Variants in CPXM2 observed in about 807,000 individuals in gnomAD.
CPXM2 encodes inactive carboxypeptidase-like protein X2.
In CPXM2, 66 loss-of-function variants were observed where a neutral mutation model predicts 86.1. The ratio of observed to expected loss-of-function variants is 0.77; its 90% CI spans 0.63 to 0.94. CPXM2 has a LOEUF of 0.94. Ranked by LOEUF, CPXM2 falls within the 40% of genes least tolerant of loss-of-function variation. The pLI is 0.00. For synonymous variants in CPXM2, 388 were observed against 400.2 expected, an observed-to-expected ratio of 0.97 and a Z score of 0.36; for missense variants, 948 against 1,026.3, an observed-to-expected ratio of 0.92 and a Z score of 1.04.
intron 3 of CPXM2, among the ~76,000 whole-genome samples, chr10:123,846,541 C>T (rs528783769): frequency 1.7e-3 from 262 of 152,344 alleles, no homozygotes; most frequent in Non-Finnish European, 2.9e-3. Flanking sequence ...CCGTTCCTAA[C>T]CGGCCATAGA....
At chr10:123,759,605 G>A (rs78185028) in intron 11 of CPXM2, among the ~76,000 whole-genome samples, 2,360 of 152,298 alleles carry the variant, frequency 0.015, 51 homozygotes, top group African/African-American at 0.053. Flanking sequence ...GGGCCATGAC[G>A]TGCCCCAGAC....
chr10:123,939,599 T>C (rs1450985734), intron 1 of CPXM2: 1 of 152,220 alleles, frequency 6.6e-6, no homozygotes. Flanking sequence ...TGTAATGTCA[T>C]GAGACTCTGC....
chr10:123,770,293 CAAACA>C (rs564252137), intron 8 of CPXM2, among the ~76,000 whole-genome samples: 2 of 152,014 alleles, frequency 1.3e-5, no homozygotes, highest in African/African-American at 4.8e-5. Flanking sequence ...AACAAACAAA[CAAACA>C]AAACAAAACA....
chr10:123,856,996 CTG>C (rs1359555859), intron 3 of CPXM2, among the ~76,000 whole-genome samples: 2 of 152,180 alleles, frequency 1.3e-5, no homozygotes, highest in Admixed American at 1.3e-4. Context: ...AAACCAGTGA[CTG>C]TTTCTAAATG....
chr10:123,866,362 G>A (rs1270067045), intron 2 of CPXM2, among the ~76,000 whole-genome samples: 3 of 151,640 alleles, frequency 2.0e-5, no homozygotes, highest in African/African-American at 2.4e-5. Context: ...TCAGGATTTC[G>A]AGACCAGCCT....
chr10:123,822,724 A>AAATAATAATAATAAT (rs10603506), intron 4 of CPXM2, among the ~76,000 whole-genome samples: 4 of 149,930 alleles, frequency 2.7e-5, no homozygotes, highest in Admixed American at 6.6e-5. Context: ...ATGGACCTGA[A>AAATAATAATAATAAT]AATAATAATA....
chr10:123,820,553 A>G (rs534080178), intron 4 of CPXM2, among the ~76,000 whole-genome samples: 31 of 152,328 alleles, frequency 2.0e-4, no homozygotes, highest in African/African-American at 7.0e-4. Context: ...ACAAATTATC[A>G]AAAATACAAT....
intron 6 of CPXM2, among the ~76,000 whole-genome samples, chr10:123,785,449 C>T (rs2134038327): frequency 6.6e-6 from 1 of 152,246 alleles, no homozygotes; most frequent in South Asian, 2.1e-4. Flanking sequence ...AACAAAGCAA[C>T]CAACTTGTCC....
intron 13 of CPXM2, chr10:123,750,375 C>T (rs1382467567): frequency 2.1e-6 from 2 of 972,738 alleles, no homozygotes; most frequent in Admixed American, 6.2e-5. Context: ...TCTCCAGCCA[C>T]ACAAGTCTTC....
At chr10:123,837,889 C>T (rs763347754) in intron 4 of CPXM2, among the ~76,000 whole-genome samples, 32 of 152,130 alleles carry the variant, frequency 2.1e-4, no homozygotes, top group Non-Finnish European at 4.0e-4. Context: ...GGCTGAGCCT[C>T]GTGATTTCGC....
chr10:123,895,121 CTTTTTTTTT>C (rs869104432), upstream of CPXM2, among the ~76,000 whole-genome samples: 2,480 of 85,848 alleles, frequency 0.029, 30 homozygotes, highest in Non-Finnish European at 0.041. Context: ...TCTTTTTTTT[CTTTTTTTTT>C]TTTTTTTTTT....
At chr10:123,771,831 T>G (rs1589981268) in intron 7 of CPXM2, among the ~76,000 whole-genome samples, 1 of 152,302 alleles carries the variant, frequency 6.6e-6, no homozygotes, top group East Asian at 1.9e-4. Context: ...ATTAAGGGGC[T>G]TCCCCCTTCA....
intron 2 of CPXM2, among the ~76,000 whole-genome samples, chr10:123,869,727 C>A (rs1232726043): frequency 6.6e-6 from 1 of 152,200 alleles, no homozygotes; most frequent in African/African-American, 2.4e-5. Flanking sequence ...CTCTGCATTA[C>A]ATATGCTTTA....
intron 4 of CPXM2, among the ~76,000 whole-genome samples, chr10:123,801,767 A>G (rs1847465014): frequency 6.6e-6 from 1 of 152,102 alleles, no homozygotes; most frequent in South Asian, 2.1e-4. Flanking sequence ...CTTTCTTTCA[A>G]TTCCTAATAC....
upstream of CPXM2, chr10:123,892,028 A>T (rs1463410582): frequency 6.6e-6 from 1 of 151,946 alleles, no homozygotes; most frequent in Admixed American, 6.5e-5. Flanking sequence ...CTGCTTCCCC[A>T]GAGACGCTAA....
intron 4 of CPXM2, among the ~76,000 whole-genome samples, chr10:123,836,916 C>A (rs1848293765): frequency 6.7e-6 from 1 of 149,502 alleles, no homozygotes; most frequent in Non-Finnish European, 1.5e-5. Context: ...TAAAGGAGAC[C>A]CTCCTCCTTT....
chr10:123,881,235 T>TTCCTC (rs1564811081), intron 1 of CPXM2, among the ~76,000 whole-genome samples: 1 of 49,240 alleles, frequency 2.0e-5, no homozygotes, highest in African/African-American at 1.4e-4. Context: ...ACCCTTCTCT[T>TTCCTC]CCCTTCCCTT....
intron 7 of CPXM2, among the ~76,000 whole-genome samples, chr10:123,774,403 A>C (rs17616507): frequency 0.085 from 12,912 of 152,202 alleles, 618 homozygotes; most frequent in Non-Finnish European, 0.097. Context: ...TCTGTTGCAA[A>C]TTTTATGGTG....
chr10:123,767,116 T>TCCAGCGTCCCAGGGA lies in CPXM2; in HGVS notation c.1321_1335dup (p.Ser441_Trp445dup), dbSNP rs754885610. The stretch of plus-strand genomic sequence containing the variant: ...TTGTTGATGTCAATTCCATCGTGGG[T>TCCAGCGTCCCAGGGA]CCAGCGTCCCAGGGACCAGCCTCCC... On this transcript the variant is annotated inframe_insertion, in exon 10 of 14. Transcript: ENST00000241305. 2 of 1,614,108 alleles carry TCCAGCGTCCCAGGGA rather than the reference T, an allele frequency of 1.2e-6. No homozygotes were observed. The highest frequency in any genetic ancestry group is 1.7e-6 in the Non-Finnish European group (2 of 1,180,020).
Sources: gnomAD v4.1 joint callset for allele counts (sites outside exome capture counted in the v4.1 genomes callset) on GRCh38, gnomAD v4.1.1 for gene constraint, MANE v1.5 for transcripts, NCBI Gene and HGNC (gene_info 2026-07-23, HGNC 2026-07-21) for gene names.